Variants in ANO4 observed in about 807,000 individuals in gnomAD.
ANO4 encodes anoctamin-4.
In ANO4, 69 loss-of-function variants were observed where a neutral mutation model predicts 141.9. The observed-to-expected ratio is 0.49, with a 90% confidence interval of 0.40 to 0.59. ANO4 has a LOEUF of 0.59. Ranked by LOEUF, ANO4 falls within the 20% of genes least tolerant of loss-of-function variation. The pLI is 0.00. For synonymous variants in ANO4, 350 were observed against 394.3 expected (o/e 0.89, Z 1.33); for missense variants, 894 against 1,162.2 (o/e 0.77, Z 3.36).
chr12:100,925,767 A>T (rs572687680), intron 3 of ANO4, among the ~76,000 whole-genome samples: 5,240 of 78,106 alleles, frequency 0.067, 133 homozygotes, highest in Non-Finnish European at 0.098. Context: ...TATATATAGT[A>T]TATATATATA....
intron 2 of ANO4, among the ~76,000 whole-genome samples, chr12:100,902,057 C>CT (rs2040619645): frequency 6.6e-6 from 1 of 152,096 alleles, no homozygotes; most frequent in African/African-American, 2.4e-5. Flanking sequence ...AAGGTTGAGG[C>CT]TATGTGCACA....
At chr12:100,964,287 C>T (rs2043551915) in intron 5 of ANO4, among the ~76,000 whole-genome samples, 1 of 152,116 alleles carries the variant, frequency 6.6e-6, no homozygotes, top group Non-Finnish European at 1.5e-5. Flanking sequence ...AGCCAAGGTA[C>T]CAGACTTCTT....
intron 22 of ANO4, among the ~76,000 whole-genome samples, chr12:101,103,162 A>T (rs1359622075): frequency 7.3e-6 from 1 of 137,716 alleles, no homozygotes; most frequent in Non-Finnish European, 1.6e-5. Context: ...TGATAACTTT[A>T]CATTTTCCTT....
intron 1 of ANO4, among the ~76,000 whole-genome samples, chr12:100,812,977 C>T (rs1454200556): frequency 6.6e-6 from 1 of 152,130 alleles, no homozygotes; most frequent in Non-Finnish European, 1.5e-5. Flanking sequence ...AGCAATCTTT[C>T]CTGTGTATTG....
At chr12:100,747,530 C>T (rs531901289) in intron 3 of ANO4, among the ~76,000 whole-genome samples, 4 of 152,314 alleles carry the variant, frequency 2.6e-5, no homozygotes, top group African/African-American at 7.2e-5. Flanking sequence ...CCTCCTTCTC[C>T]GGCCTCACCA....
At chr12:100,907,057 A>G (rs1330641176) in intron 2 of ANO4, among the ~76,000 whole-genome samples, 2 of 152,182 alleles carry the variant, frequency 1.3e-5, no homozygotes, top group East Asian at 3.9e-4. Context: ...TCAGACACCA[A>G]GGTTCTCCTC....
At chr12:101,099,276 C>G (rs2050101572) in intron 21 of ANO4, among the ~76,000 whole-genome samples, 2 of 152,146 alleles carry the variant, frequency 1.3e-5, no homozygotes, top group Admixed American at 1.3e-4. Flanking sequence ...TGCCTTTGTA[C>G]TGGGGTATCC....
intron 3 of ANO4, among the ~76,000 whole-genome samples, chr12:100,759,283 A>G (rs1332235540): frequency 1.3e-5 from 2 of 152,178 alleles, no homozygotes; most frequent in African/African-American, 2.4e-5. Flanking sequence ...CCTTTCGTGT[A>G]TTTATTTAGC....
At chr12:100,810,144 A>G (rs10745897) in intron 1 of ANO4, among the ~76,000 whole-genome samples, 115,098 of 151,114 alleles carry the variant, frequency 0.76, 44,379 homozygotes, top group East Asian at 0.94. Flanking sequence ...GAAAGGGAAC[A>G]TGGTTAGGAG....
At chr12:101,079,094 CTG>C in intron 14 of ANO4, 97 bp from the exon 15 acceptor site, 3 of 1,012,296 alleles carry the variant, frequency 3.0e-6, no homozygotes, top group Non-Finnish European at 4.7e-6. Flanking sequence ...ACACTAACAA[CTG>C]TCATTCTTGG....
chr12:100,841,906 TG>T (rs2135813048), intron 1 of ANO4, among the ~76,000 whole-genome samples: 1 of 152,114 alleles, frequency 6.6e-6, no homozygotes, highest in Non-Finnish European at 1.5e-5. Flanking sequence ...ATGACATTTT[TG>T]GACTTGTGTT....
At chr12:101,107,057 T>C (rs1170893033) in intron 22 of ANO4, among the ~76,000 whole-genome samples, 1 of 152,184 alleles carries the variant, frequency 6.6e-6, no homozygotes, top group African/African-American at 2.4e-5. Context: ...TACCAATGAA[T>C]TAAACACATT....
chr12:100,970,659 CCCTCTCCTTCCTTCCTTCCTTCCT>C (rs1239907555), intron 5 of ANO4, among the ~76,000 whole-genome samples: 22 of 113,636 alleles, frequency 1.9e-4, no homozygotes, highest in Non-Finnish European at 3.2e-4. Context: ...CTCCCTCCCT[CCCTCTCCTTCCTTCCTTCCTTCCT>C]TCCTTCCTTC....
intron 1 of ANO4, among the ~76,000 whole-genome samples, chr12:100,901,211 G>A (rs2040577891): frequency 1.3e-5 from 2 of 152,186 alleles, no homozygotes; most frequent in Non-Finnish European, 2.9e-5. Context: ...TGGTATGTTT[G>A]AAATATTTCC....
chr12:100,887,522 T>TC (rs1565973037), intron 1 of ANO4, among the ~76,000 whole-genome samples: 1 of 152,096 alleles, frequency 6.6e-6, no homozygotes, highest in Non-Finnish European at 1.5e-5. Flanking sequence ...TTTCTTTCTT[T>TC]TTTTTTTTTC....
At chr12:100,839,192 G>T (rs1194547337) in intron 1 of ANO4, among the ~76,000 whole-genome samples, 1 of 152,056 alleles carries the variant, frequency 6.6e-6, no homozygotes, top group Non-Finnish European at 1.5e-5. Context: ...TGATATCATT[G>T]CTTTTGATTG....
intron 1 of ANO4, among the ~76,000 whole-genome samples, chr12:100,866,115 G>A (rs774866926): frequency 1.4e-4 from 22 of 152,170 alleles, no homozygotes; most frequent in Non-Finnish European, 2.6e-4. Flanking sequence ...GAGAGGATAC[G>A]GAGGGGAAGT....
chr12:100,734,774 A>T (rs2031535213), intron 2 of ANO4, among the ~76,000 whole-genome samples: 5 of 152,192 alleles, frequency 3.3e-5, no homozygotes, highest in Admixed American at 3.3e-4. Context: ...TTAATGATGA[A>T]CCTCTAAAAT....
chr12:100,875,425 A>G (rs747820075), intron 1 of ANO4, among the ~76,000 whole-genome samples: 1 of 152,230 alleles, frequency 6.6e-6, no homozygotes, highest in African/African-American at 2.4e-5. Context: ...ACGTACTACA[A>G]GGGAGCCTAG....
Sources: allele counts gnomAD v4.1 joint callset (sites outside exome capture counted in the v4.1 genomes callset), GRCh38; gene constraint gnomAD v4.1.1; transcripts MANE v1.5; gene names NCBI Gene and HGNC (gene_info 2026-07-23, HGNC 2026-07-21).